Variants in SIK2 observed in about 807,000 individuals in gnomAD.
The protein encoded by SIK2 is salt inducible kinase 2, also known as serine/threonine-protein kinase SIK2.
In SIK2, 29 loss-of-function variants were observed where a neutral mutation model predicts 103.2. That is an observed-to-expected ratio of 0.28 (90% CI 0.21 to 0.38). The LOEUF (loss-of-function observed/expected upper bound fraction) is 0.38. Among genes scored for constraint, SIK2 ranks in the 10% least tolerant of loss-of-function variants. SIK2 has a pLI of 1.00. For synonymous variants in SIK2, 412 were observed against 446.1 expected (o/e 0.92, Z 0.96); for missense variants, 879 against 1,171.0 (o/e 0.75, Z 3.64).
chr11:111,609,352 C>CA (rs1421310111), intron 1 of SIK2, among the ~76,000 whole-genome samples: 1 of 151,816 alleles, frequency 6.6e-6, no homozygotes, highest in Non-Finnish European at 1.5e-5. Context: ...GACAGGGTCT[C>CA]ACTCTGTCAC....
At chr11:111,702,353 G>A (rs570398527) in intron 6 of SIK2, among the ~76,000 whole-genome samples, 5 of 152,334 alleles carry the variant, frequency 3.3e-5, no homozygotes, top group South Asian at 4.1e-4. Context: ...GGGAGGCTGA[G>A]GCGGGAGGAT....
chr11:111,644,287 C>CAAAAAAAA (rs559236704), intron 3 of SIK2, among the ~76,000 whole-genome samples: 1 of 41,932 alleles, frequency 2.4e-5, no homozygotes, highest in Non-Finnish European at 5.2e-5. Flanking sequence ...GACTCCATCT[C>CAAAAAAAA]AAAAAAAAAA....
At chr11:111,634,062 A>G (rs1256503569) in intron 3 of SIK2, among the ~76,000 whole-genome samples, 1 of 152,200 alleles carries the variant, frequency 6.6e-6, no homozygotes, top group Non-Finnish European at 1.5e-5. Flanking sequence ...CGCTGTTCAA[A>G]CAATTAAACC....
chr11:111,662,480 G>A (rs1490174978), intron 3 of SIK2, among the ~76,000 whole-genome samples: 1 of 152,104 alleles, frequency 6.6e-6, no homozygotes, highest in African/African-American at 2.4e-5. Context: ...CAGGTGCGGT[G>A]GCTCACACCT....
Position 111,727,279 on chromosome 11 carries a change from G to T in SIK2, c.*3150G>T. On this transcript the variant is annotated 3_prime_UTR_variant, in exon 15 of 15. Transcript: ENST00000304987. ...AGGGGAGTGGGGATGGGGCTCAGGG[G>T]CTGTTCATGCCCATCTGAGCAAACC... The T allele has an allele frequency of 1.7e-6, 1 of 585,574 alleles. No individual in the cohort carries two copies. The highest frequency in any genetic ancestry group is 3.0e-6 in the Non-Finnish European group (1 of 328,156). The allele number at this position is 585,574 out of a possible 1,614,324, so 36.3% of individuals were successfully genotyped here. A position where few individuals can be genotyped will look rare whatever the true frequency, so the allele number is the denominator to read the frequency against.
intron 3 of SIK2, among the ~76,000 whole-genome samples, chr11:111,645,697 C>T (rs771724830): frequency 6.6e-6 from 1 of 151,944 alleles, no homozygotes; most frequent in Non-Finnish European, 1.5e-5. Context: ...TGCCTGTAAT[C>T]CCAGCTACTT....
At chr11:111,617,663 T>G (rs557019928) in intron 2 of SIK2, among the ~76,000 whole-genome samples, 1 of 152,358 alleles carries the variant, frequency 6.6e-6, no homozygotes, top group African/African-American at 2.4e-5. Context: ...TCAAATAGAT[T>G]AGCACAAATG....
intron 3 of SIK2, among the ~76,000 whole-genome samples, chr11:111,679,738 T>TG (rs1179451582): frequency 6.6e-6 from 1 of 152,220 alleles, no homozygotes; most frequent in Non-Finnish European, 1.5e-5. Context: ...TTTCATCTAA[T>TG]GGGACTTCCT....
chr11:111,688,593 G>A lies in SIK2; in HGVS notation c.478+431G>A, dbSNP rs890609466. Reference sequence around the variant, plus strand: ...GATGGAGGTAGAATGAGAAATAGTTGAGACAGAAAAGCACCTTTCCTTGAT... The same window carrying A: ...GATGGAGGTAGAATGAGAAATAGTTAAGACAGAAAAGCACCTTTCCTTGAT... On this transcript the variant is annotated intron_variant, in intron 4 of 14. Transcript: ENST00000304987. The surrounding 1 kb of genome is among the most constrained non-coding windows in gnomAD (Gnocchi z 4.2). Among the ~76,000 whole-genome samples the A allele has an allele frequency of 2.0e-5, 3 of 152,190 alleles. No individual in the cohort carries two copies. Among genetic ancestry groups the A allele is most frequent in the Non-Finnish European group, 1.5e-5 (1 of 68,036 alleles).
In SIK2 at chr11:111,726,883, C is replaced by T. The variant is rs1017175836; in HGVS notation, c.*2754C>T. The T allele has an allele frequency of 6.2e-6, 8 of 1,285,378 alleles. No individual in the cohort carries two copies. Among genetic ancestry groups the T allele is most frequent in the South Asian group, 1.3e-5 (1 of 78,646 alleles). The allele number at this position is 1,285,378 out of a possible 1,614,324, so 79.6% of individuals were successfully genotyped here. ...TCTGAAGAGACTTTGGTGAGATGAACGTGAGGTAAAAATTTCGTTCGGCAA... is the reference window on the plus strand; with the variant it reads ...TCTGAAGAGACTTTGGTGAGATGAATGTGAGGTAAAAATTTCGTTCGGCAA... On this transcript the variant is annotated 3_prime_UTR_variant, in exon 15 of 15. Coordinates refer to ENST00000304987, the MANE Select transcript of SIK2 (RefSeq NM_015191.3).
intron 1 of SIK2, among the ~76,000 whole-genome samples, chr11:111,610,833 T>C (rs1941713984): frequency 1.3e-5 from 2 of 152,196 alleles, no homozygotes; most frequent in South Asian, 4.1e-4. Context: ...AAATAATACA[T>C]GTTCACTGAA....
chr11:111,634,427 GC>G (rs1942078299), intron 3 of SIK2, among the ~76,000 whole-genome samples: 2 of 151,998 alleles, frequency 1.3e-5, no homozygotes, highest in South Asian at 4.2e-4. Context: ...ACTTTATTTT[GC>G]CAGTATGAAC....
chr11:111,602,694 C>A lies in SIK2; in HGVS notation c.131C>A (p.Thr44Lys). 1.3e-6 allele frequency: 2 copies of A among 1,516,084 alleles called. No individual in the cohort carries two copies. Among genetic ancestry groups the A allele is most frequent in the South Asian group, 1.2e-5 (1 of 80,636 alleles). 93.9% of individuals were successfully genotyped at this position (1,516,084 alleles called of 1,614,324 possible). A position where few individuals can be genotyped will look rare whatever the true frequency, so the allele number is the denominator to read the frequency against. The change falls in exon 1 of 15, where the codon ACG (threonine) becomes AAG (lysine). Residue 44 changes from threonine to lysine, a missense_variant. Physicochemically the swap from Thr to Lys is moderately conservative, Grantham distance 78. This residue lies in a region of SIK2 where 126 missense variants were observed against 245.5 expected (regional missense o/e 0.51). Transcript: ENST00000304987. This position sits in a 1 kb window ranked among gnomAD's most constrained non-coding sequence, Gnocchi z 4.5. ...VKLGRHRITK[T>K]EVAIKIIDKS... is the part of the protein sequence containing the mutation. Reference sequence around the variant, plus strand: ...CTGGGGCGGCACCGGATCACCAAGACGGAGGTGCGGCCCGGGGCTCGGCGG... The same window carrying A: ...CTGGGGCGGCACCGGATCACCAAGAAGGAGGTGCGGCCCGGGGCTCGGCGG...
At chr11:111,683,618 A>G (rs1280500590) in intron 3 of SIK2, among the ~76,000 whole-genome samples, 1 of 151,732 alleles carries the variant, frequency 6.6e-6, no homozygotes, top group Non-Finnish European at 1.5e-5. Context: ...TGCCTGACTA[A>G]TTTTTGTATA....
chr11:111,690,874 G>A (rs565349078), intron 4 of SIK2, among the ~76,000 whole-genome samples: 2 of 152,248 alleles, frequency 1.3e-5, no homozygotes, highest in South Asian at 4.1e-4. Context: ...AGGCATTTGG[G>A]TTGGTTCCAA....
At chr11:111,657,774 A>G (rs1942411227) in intron 3 of SIK2, among the ~76,000 whole-genome samples, 1 of 152,198 alleles carries the variant, frequency 6.6e-6, no homozygotes, top group African/African-American at 2.4e-5. Context: ...GATGAAAGTA[A>G]CAGCATGAGC....
intron 3 of SIK2, among the ~76,000 whole-genome samples, chr11:111,624,140 C>T (rs1941930175): frequency 6.6e-6 from 1 of 152,158 alleles, no homozygotes; most frequent in Non-Finnish European, 1.5e-5. Flanking sequence ...TTAGTCCTTT[C>T]AAATGTGTTA....
chr11:111,729,537 G>A lies in SIK2; in HGVS notation c.*5408G>A, dbSNP rs1257598295. 3 of 152,274 alleles carry A rather than the reference G, an allele frequency of 2.0e-5. No individual in the cohort carries two copies. Among genetic ancestry groups the A allele is most frequent in the Non-Finnish European group, 2.9e-5 (2 of 68,064 alleles). 9.4% of individuals were successfully genotyped at this position (152,274 alleles called of 1,614,324 possible). A position where few individuals can be genotyped will look rare whatever the true frequency, so the allele number is the denominator to read the frequency against. ...CTGAGATCACAGCTGGTGATAGAAGGAGCTGGGACACGCGCTTGGGTTGAC... is the reference window on the plus strand; with the variant it reads ...CTGAGATCACAGCTGGTGATAGAAGAAGCTGGGACACGCGCTTGGGTTGAC... On this transcript the variant is annotated 3_prime_UTR_variant, in exon 15 of 15. Transcript: ENST00000304987.
intron 3 of SIK2, among the ~76,000 whole-genome samples, chr11:111,646,546 G>A (rs1591599856): frequency 1.3e-5 from 2 of 152,236 alleles, no homozygotes; most frequent in South Asian, 2.1e-4. Flanking sequence ...CAGTGAATGT[G>A]TCCACCACCC....
Sources: allele counts gnomAD v4.1 joint callset (sites outside exome capture counted in the v4.1 genomes callset), GRCh38; gene constraint gnomAD v4.1.1; regional missense constraint gnomAD v4.1.1; non-coding constraint Gnocchi (gnomAD v3.1); transcripts MANE v1.5; gene names NCBI Gene and HGNC (gene_info 2026-07-23, HGNC 2026-07-21).